The following CNOT4 variants were observed in gnomAD, a reference collection of about 807,000 sequenced individuals.
CNOT4 encodes CCR4-associated factor 4.
A neutral mutation model predicts 73.8 loss-of-function variants in CNOT4; 8 were observed. The ratio of observed to expected loss-of-function variants is 0.11; its 90% CI spans 0.06 to 0.20. The LOEUF (loss-of-function observed/expected upper bound fraction) is 0.20, where lower values mean the gene tolerates loss of function less well. Among genes scored for constraint, CNOT4 ranks in the 10% least tolerant of loss-of-function variants. The probability of loss-of-function intolerance (pLI) is 1.00; values close to 1 mark genes in which losing one functional copy is unlikely to be tolerated. For missense variants in CNOT4, 564 were observed against 883.4 expected (o/e 0.64, Z 4.58); for synonymous variants, 293 against 321.1 (o/e 0.91, Z 0.94).
intron 1 of CNOT4, among the ~76,000 whole-genome samples, chr7:135,457,619 C>T (rs1019982257): frequency 2.6e-5 from 4 of 152,004 alleles, no homozygotes; most frequent in African/African-American, 4.8e-5. Flanking sequence ...GGCGTTTCCA[C>T]GCTTCTAATA....
In CNOT4 at chr7:135,415,064, A is replaced by AC. The variant is rs1451048946; in HGVS notation, c.459+111_459+112insG. 5.6e-6 allele frequency: 4 copies of AC among 709,672 alleles called. No individual in the cohort carries two copies. The African/African-American group carries it at 7.2e-5, about 13-fold the overall frequency. 44.0% of individuals were successfully genotyped at this position (709,672 alleles called of 1,614,324 possible). A position where few individuals can be genotyped will look rare whatever the true frequency, so the allele number is the denominator to read the frequency against. On this transcript the variant is annotated intron_variant, in intron 4 of 11. Transcript: ENST00000541284. Reference sequence around the variant, plus strand: ...ACCAACAGAGGTCACTACATTGCTTAAGTCCTTGTCCCTCAAGCTTTCTAA... The same window carrying AC: ...ACCAACAGAGGTCACTACATTGCTTACAGTCCTTGTCCCTCAAGCTTTCTAA...
chr7:135,452,017 G>A (rs776884059), intron 1 of CNOT4, among the ~76,000 whole-genome samples: 9 of 152,140 alleles, frequency 5.9e-5, no homozygotes, highest in African/African-American at 9.7e-5. Flanking sequence ...TGAGGCTGAG[G>A]AGGGAGGCTC....
chr7:135,461,307 A>T (rs914373445), intron 1 of CNOT4, among the ~76,000 whole-genome samples: 8 of 152,186 alleles, frequency 5.3e-5, no homozygotes, highest in Admixed American at 3.9e-4. Context: ...AAAAGAAATA[A>T]GCAATTTTAA....
intron 10 of CNOT4, among the ~76,000 whole-genome samples, chr7:135,383,998 C>A (rs1345478435): frequency 6.6e-6 from 1 of 152,136 alleles, no homozygotes; most frequent in Non-Finnish European, 1.5e-5. Flanking sequence ...GAGGAACATA[C>A]AAAACCACAT....
At chr7:135,416,553 GA>G (rs1797883544) in intron 3 of CNOT4, among the ~76,000 whole-genome samples, 1 of 152,144 alleles carries the variant, frequency 6.6e-6, no homozygotes, top group Non-Finnish European at 1.5e-5. Flanking sequence ...GGTTGATAAA[GA>G]GAGAAGAGCA....
At chr7:135,391,040 T>TCAGGTGCAAGTGAGTTAGAA (rs1251402308) in intron 10 of CNOT4, among the ~76,000 whole-genome samples, 3 of 152,088 alleles carry the variant, frequency 2.0e-5, no homozygotes, top group Admixed American at 2.0e-4. Context: ...ATAGTTCAAC[T>TCAGGTGCAAGTGAGTTAGAA]CAGGTGCAAG....
chr7:135,389,247 T>G (rs1477664371), intron 10 of CNOT4, among the ~76,000 whole-genome samples: 1 of 151,132 alleles, frequency 6.6e-6, no homozygotes, highest in Non-Finnish European at 1.5e-5. Flanking sequence ...TGGTAAATAT[T>G]AATAGTATTT....
intron 7 of CNOT4, among the ~76,000 whole-genome samples, chr7:135,408,957 C>A (rs147086759): frequency 4.6e-5 from 7 of 152,120 alleles, no homozygotes; most frequent in African/African-American, 1.7e-4. Flanking sequence ...ATAAATTTTT[C>A]ACATTTCCTT....
At chr7:135,485,174 G>A (rs1802637777) in intron 1 of CNOT4, among the ~76,000 whole-genome samples, 1 of 152,298 alleles carries the variant, frequency 6.6e-6, no homozygotes, top group Non-Finnish European at 1.5e-5. Context: ...CCGGATTCAA[G>A]CGATTCTCCT....
chr7:135,448,503 C>G (rs1398283928), intron 1 of CNOT4, among the ~76,000 whole-genome samples: 3 of 131,576 alleles, frequency 2.3e-5, no homozygotes, highest in Non-Finnish European at 4.7e-5. Context: ...GAGAATCAGC[C>G]TGGGTGACAG....
Position 135,362,750 on chromosome 7 carries a change from A to G in CNOT4, c.*135T>C, listed in dbSNP as rs752667669. The G allele has an allele frequency of 1.8e-5, 15 of 852,668 alleles. 1 individual carries two copies. Among genetic ancestry groups the G allele is most frequent in the Middle Eastern group, 4.3e-4 (2 of 4,632 alleles). 52.8% of individuals were successfully genotyped at this position (852,668 alleles called of 1,614,324 possible). On this transcript the variant is annotated 3_prime_UTR_variant, in exon 12 of 12. Coordinates refer to ENST00000541284, the MANE Select transcript of CNOT4 (RefSeq NM_001190850.2). Reference sequence around the variant, plus strand: ...CTGTGATCGCATTGCATCTGGGGTTAGGGAGAAAAAAAATTGATCAGGTAC... The same window carrying G: ...CTGTGATCGCATTGCATCTGGGGTTGGGGAGAAAAAAAATTGATCAGGTAC...
chr7:135,435,512 T>G (rs1799101707), intron 2 of CNOT4, among the ~76,000 whole-genome samples: 1 of 152,214 alleles, frequency 6.6e-6, no homozygotes, highest in African/African-American at 2.4e-5. Flanking sequence ...TAATTTGTTC[T>G]TTTTATAAGG....
In CNOT4 at chr7:135,389,734, A is replaced by G. The variant is rs557607942; in HGVS notation, c.1627+4184T>C. 2.6e-5 allele frequency among the ~76,000 whole-genome samples: 4 copies of G among 152,312 alleles called. No individual in the cohort carries two copies. In the South Asian group the frequency reaches 8.3e-4, roughly 32 times the overall value. ...CAGTTTCAAATATTTTTTGAGGTAT[A>G]TCTTGAAACAACAATGCTTACTGAC... is the stretch of plus-strand genomic sequence containing the variant. On this transcript the variant is annotated intron_variant, in intron 10 of 11. Coordinates refer to ENST00000541284, the MANE Select transcript of CNOT4 (RefSeq NM_001190850.2).
chr7:135,439,231 C>A (rs993190679), intron 1 of CNOT4, among the ~76,000 whole-genome samples: 2 of 152,086 alleles, frequency 1.3e-5, no homozygotes, highest in Non-Finnish European at 2.9e-5. Flanking sequence ...TGATAGCCTG[C>A]AAACTAATCT....
chr7:135,384,473 G>C, intron 10 of CNOT4: 1 of 507,762 alleles, frequency 2.0e-6, no homozygotes, highest in Non-Finnish European at 3.6e-6. Context: ...TTTTAGTAGA[G>C]ACGGGGTTTC....
chr7:135,416,647 C>A (rs753255051), intron 3 of CNOT4, among the ~76,000 whole-genome samples: 2 of 152,142 alleles, frequency 1.3e-5, no homozygotes, highest in Admixed American at 6.6e-5. Context: ...CAGCAACCAG[C>A]GTCATAGCTA....
intron 4 of CNOT4, among the ~76,000 whole-genome samples, chr7:135,414,886 C>T (rs1321001648): frequency 2.6e-5 from 4 of 152,040 alleles, no homozygotes; most frequent in African/African-American, 9.7e-5. Flanking sequence ...GATTAGAAAT[C>T]ACTATCGAAT....
intron 2 of CNOT4, among the ~76,000 whole-genome samples, chr7:135,431,817 A>C (rs1798865786): frequency 6.6e-6 from 1 of 151,790 alleles, no homozygotes; most frequent in Non-Finnish European, 1.5e-5. Context: ...AACATGCTGT[A>C]CTATTATGTA....
intron 1 of CNOT4, among the ~76,000 whole-genome samples, chr7:135,484,935 G>GTCC (rs1802621595): frequency 6.6e-6 from 1 of 151,998 alleles, no homozygotes; most frequent in Admixed American, 6.6e-5. Flanking sequence ...AAATGCTAAC[G>GTCC]TAAAATCAAA....
Sources: gnomAD v4.1 joint callset for allele counts (sites outside exome capture counted in the v4.1 genomes callset) on GRCh38, gnomAD v4.1.1 for gene constraint, MANE v1.5 for transcripts, NCBI Gene and HGNC (gene_info 2026-07-23, HGNC 2026-07-21) for gene names.